Variants in RAD50 observed in about 807,000 individuals in gnomAD.
The protein encoded by RAD50 is RAD50 double strand break repair protein, also known as DNA repair protein RAD50.
RAD50 carries 132 observed loss-of-function variants against 168.8 expected under a neutral mutation model. The observed-to-expected ratio is 0.78, with a 90% CI of 0.68 to 0.90. RAD50 has a LOEUF of 0.90. Ranked by LOEUF, RAD50 falls within the 40% of genes least tolerant of loss-of-function variation. The pLI is 0.00. For synonymous variants in RAD50, 525 were observed against 497.4 expected, an observed-to-expected ratio of 1.06 and a Z score of -0.74; for missense variants, 1,347 against 1,534.4, an observed-to-expected ratio of 0.88 and a Z score of 2.04.
chr5:132,574,770 T>A (rs1750364688), intron 2 of RAD50, among the ~76,000 whole-genome samples: 1 of 152,148 alleles, frequency 6.6e-6, no homozygotes, highest in Non-Finnish European at 1.5e-5. Context: ...CTAAATCATC[T>A]CTCTCAAGTT....
intron 16 of RAD50, 43 bp downstream of exon 16, chr5:132,605,042 A>ATTTATT (rs1377877247): frequency 1.6e-5 from 22 of 1,360,538 alleles, no homozygotes; most frequent in East Asian, 2.7e-5. Context: ...TATTTTAATT[A>ATTTATT]TTTATTTTTA....
chr5:132,605,690 C>A (rs1300923146), intron 16 of RAD50, among the ~76,000 whole-genome samples: 1 of 152,088 alleles, frequency 6.6e-6, no homozygotes, highest in Admixed American at 6.5e-5. Flanking sequence ...ACTCTCAGCA[C>A]CTCATCGCAC....
At chr5:132,592,773 G>T in intron 11 of RAD50, 1 of 469,526 alleles carries the variant, frequency 2.1e-6, no homozygotes. Context: ...GGATTGTACT[G>T]GTAAAGCCAC....
intron 5 of RAD50, among the ~76,000 whole-genome samples, chr5:132,583,690 CTTTTTT>C (rs35842753): frequency 8.5e-6 from 1 of 117,636 alleles, no homozygotes; most frequent in Non-Finnish European, 1.7e-5. Flanking sequence ...TAATTCATTC[CTTTTTT>C]TTTTTTTTTT....
chr5:132,609,364 A>G lies in RAD50; in HGVS notation c.3004A>G (p.Arg1002Gly). 1 of 1,613,870 alleles carries G rather than the reference A, an allele frequency of 6.2e-7. No individual in the cohort carries two copies. Among genetic ancestry groups the G allele is most frequent in the Non-Finnish European group, 8.5e-7 (1 of 1,179,880 alleles). The stretch of plus-strand genomic sequence containing the variant: ...CAAAGAAAAGATAAATGAAGATATG[A>G]GACTCATGAGACAAGATATTGATAC... Reference protein sequence around the residue: ...KHKEKINEDMRLMRQDIDTQK... With the variant: ...KHKEKINEDMGLMRQDIDTQK... The change falls in exon 19 of 25, where the codon AGA (arginine) becomes GGA (glycine). Residue 1002 changes from arginine to glycine, a missense_variant. This residue lies in a region of RAD50 where 635 missense variants were observed against 739.2 expected (regional missense o/e 0.86). Coordinates refer to ENST00000378823, the MANE Select transcript of RAD50 (RefSeq NM_005732.4).
intron 21 of RAD50, among the ~76,000 whole-genome samples, chr5:132,634,158 AG>A (rs1448296716): frequency 1.3e-5 from 2 of 152,186 alleles, no homozygotes; most frequent in East Asian, 3.9e-4. Flanking sequence ...GGATTATTTG[AG>A]GAGAACGGAC....
intron 9 of RAD50, among the ~76,000 whole-genome samples, 180 bp downstream of exon 9, chr5:132,590,017 T>C (rs1008721377): frequency 2.6e-5 from 4 of 152,210 alleles, no homozygotes; most frequent in Admixed American, 6.5e-5. Context: ...TACAACCCGA[T>C]AGCCTGAAAA....
intron 3 of RAD50, 90 bp downstream of exon 3, chr5:132,576,018 G>A: frequency 7.7e-7 from 1 of 1,296,170 alleles, no homozygotes. Context: ...AAGTTTAGGG[G>A]AGCATATTAA....
chr5:132,592,912 C>T (rs762932978), intron 11 of RAD50: 17 of 470,218 alleles, frequency 3.6e-5, no homozygotes, highest in South Asian at 2.3e-4. Context: ...TCAAGTAGAA[C>T]GTTTACTCAA....
In RAD50 at chr5:132,593,172, G is replaced by A. The variant is rs369376924; in HGVS notation, c.1793+1138G>A. On this transcript the variant is annotated intron_variant, in intron 11 of 24. Transcript: ENST00000378823. ...TTTGGGGCATTGATCTCATAAACTT[G>A]TTGTAAAGTATCAATGATTTCACCA... The A allele has an allele frequency of 8.5e-5, 17 of 200,968 alleles. No homozygotes were observed. In the East Asian group the frequency reaches 1.6e-3, roughly 19 times the overall value. The allele number at this position is 200,968 out of a possible 1,614,324, so 12.4% of individuals were successfully genotyped here.
chr5:132,604,114 C>A, intron 15 of RAD50, 68 bp downstream of exon 15: 1 of 1,567,660 alleles, frequency 6.4e-7, no homozygotes, highest in Non-Finnish European at 8.8e-7. Flanking sequence ...CTTTTACAGT[C>A]AATTTTATAT....
At position 132,557,143 on chromosome 5, in the gene RAD50, C is replaced by G; in HGVS notation, c.-182C>G. The G allele has an allele frequency of 5.9e-6, 5 of 846,926 alleles. No homozygotes were observed. Among genetic ancestry groups the G allele is most frequent in the Non-Finnish European group, 9.4e-6 (5 of 531,850 alleles). The allele number at this position is 846,926 out of a possible 1,614,324, so 52.5% of individuals were successfully genotyped here. The stretch of plus-strand genomic sequence containing the variant: ...GGTGTGGGAGGAAAGGCTCCATCCC[C>G]CGCCCCCTCTCTCCCGCTGTTGGCT... On this transcript the variant is annotated 5_prime_UTR_variant, in exon 1 of 25. Coordinates refer to ENST00000378823, the MANE Select transcript of RAD50 (RefSeq NM_005732.4).
intron 21 of RAD50, among the ~76,000 whole-genome samples, chr5:132,636,849 G>C (rs1156924956): frequency 6.6e-6 from 1 of 152,122 alleles, no homozygotes; most frequent in African/African-American, 2.4e-5. Flanking sequence ...AGGAGTATTT[G>C]TTGTATCCTA....
chr5:132,557,652 G>A (rs1158101240), intron 1 of RAD50, among the ~76,000 whole-genome samples, 199 bp downstream of exon 1: 1 of 152,176 alleles, frequency 6.6e-6, no homozygotes, highest in Non-Finnish European at 1.5e-5. Flanking sequence ...AGGATGTCCG[G>A]ACCTGGCCTG....
chr5:132,616,427 T>G (rs1751179549), intron 20 of RAD50, among the ~76,000 whole-genome samples: 1 of 152,236 alleles, frequency 6.6e-6, no homozygotes, highest in Non-Finnish European at 1.5e-5. Context: ...GTACTAAGCA[T>G]AAAGAATATG....
At chr5:132,582,536 A>G (rs867235567) in intron 5 of RAD50, among the ~76,000 whole-genome samples, 1 of 152,178 alleles carries the variant, frequency 6.6e-6, no homozygotes. Context: ...TCCCATTTTT[A>G]CTGATTCCCT....
chr5:132,579,222 A>G (rs985286888), intron 3 of RAD50, 95 bp from the exon 4 acceptor site: 2 of 1,305,506 alleles, frequency 1.5e-6, no homozygotes, highest in Admixed American at 4.4e-5. Flanking sequence ...CTTTTTTTTT[A>G]TTCTTTTAAA....
At chr5:132,608,774 A>G in intron 17 of RAD50, 49 bp downstream of exon 17, 2 of 1,539,930 alleles carry the variant, frequency 1.3e-6, no homozygotes, top group Non-Finnish European at 1.8e-6. Flanking sequence ...TATTAAACTT[A>G]TGTTCATAGC....
In RAD50 at chr5:132,642,948, T is replaced by G. The variant is rs988808647; in HGVS notation, c.*584T>G. ...GGGGTCTCAAAGTTTGACAGGAACC[T>G]TAAGTAATCATCTAAGTCAGTACCC... On this transcript the variant is annotated 3_prime_UTR_variant, in exon 25 of 25. Transcript: ENST00000378823. The G allele has an allele frequency of 6.1e-6, 3 of 488,250 alleles. No homozygotes were observed. The highest frequency in any genetic ancestry group is 5.8e-5 in the African/African-American group (3 of 51,634). The allele number at this position is 488,250 out of a possible 1,614,324, so 30.2% of individuals were successfully genotyped here. A position where few individuals can be genotyped will look rare whatever the true frequency, so the allele number is the denominator to read the frequency against.
Sources: gnomAD v4.1 joint callset for allele counts (sites outside exome capture counted in the v4.1 genomes callset) on GRCh38, gnomAD v4.1.1 for gene constraint, gnomAD v4.1.1 regional missense constraint, MANE v1.5 for transcripts, NCBI Gene and HGNC (gene_info 2026-07-23, HGNC 2026-07-21) for gene names.